Variants in TICAM1 observed in about 807,000 individuals in gnomAD.
TICAM1 encodes TIR domain-containing adapter molecule 1.
For synonymous variants in TICAM1, 439 were observed against 415.4 expected (o/e 1.06, Z -0.69); for missense variants, 895 against 938.2 (o/e 0.95, Z 0.60).
rs186141319 is a variant in TICAM1 at position 4,829,434 on chromosome 19, C to T, written c.-140+2180G>A. ...CTGCCCACTGCCACCTCCACCTTCT[C>T]GAGACCCAGCAAGTTTCATTTCTCA... is the stretch of plus-strand genomic sequence containing the variant. On this transcript the variant is annotated intron_variant, in intron 1 of 1. Coordinates refer to ENST00000248244, the MANE Select transcript of TICAM1 (RefSeq NM_182919.4). 1.4e-3 allele frequency among the ~76,000 whole-genome samples: 203 copies of T among 143,836 alleles called. 4 individuals carry two copies. Among genetic ancestry groups the T allele is most frequent in the Non-Finnish European group, 9.4e-4 (62 of 65,790 alleles). The allele number at this position is 143,836 out of a possible 152,430, so 94.4% of individuals were successfully genotyped here. A position where few individuals can be genotyped will look rare whatever the true frequency, so the allele number is the denominator to read the frequency against.
chr19:4,830,060 G>T (rs1261905625), intron 1 of TICAM1, among the ~76,000 whole-genome samples: 1 of 143,724 alleles, frequency 7.0e-6, no homozygotes. Flanking sequence ...ATCTGCCTGG[G>T]ATTACAGGCG....
At chr19:4,820,586 C>T (rs545019385) in intron 1 of TICAM1, among the ~76,000 whole-genome samples, 3 of 151,082 alleles carry the variant, frequency 2.0e-5, no homozygotes, top group Non-Finnish European at 4.4e-5. Context: ...ATTTTTTGGC[C>T]GGGCGCGGTG....
intron 1 of TICAM1, among the ~76,000 whole-genome samples, chr19:4,820,335 G>A (rs1348576645): frequency 1.3e-5 from 2 of 151,140 alleles, no homozygotes; most frequent in East Asian, 2.0e-4. Flanking sequence ...TAGGAAAATC[G>A]CTTGAACCTG....
chr19:4,827,330 C>T (rs1163820848), intron 1 of TICAM1, among the ~76,000 whole-genome samples: 2 of 119,908 alleles, frequency 1.7e-5, no homozygotes, highest in Non-Finnish European at 3.2e-5. Flanking sequence ...GAGATCATGC[C>T]ATTGCACTCC....
Position 4,818,403 on chromosome 19 carries a change from C to A in TICAM1, c.-26G>T. 6.5e-7 allele frequency: 1 copy of A among 1,548,876 alleles called. No individual in the cohort carries two copies. Among genetic ancestry groups the A allele is most frequent in the South Asian group, 1.2e-5 (1 of 81,094 alleles). On this transcript the variant is annotated 5_prime_UTR_variant, in exon 2 of 2. Coordinates refer to ENST00000248244, the MANE Select transcript of TICAM1 (RefSeq NM_182919.4). The surrounding 1 kb of genome is among the most constrained non-coding windows in gnomAD (Gnocchi z 4.0). Reference sequence around the variant, plus strand: ...GGGCACAGGTGGGTGCAGCCTCCGGCAGCAGAAGCTGGAGGTGGTGAAGGC... The same window carrying A: ...GGGCACAGGTGGGTGCAGCCTCCGGAAGCAGAAGCTGGAGGTGGTGAAGGC...
At chr19:4,824,963 T>G (rs571996403) in intron 1 of TICAM1, among the ~76,000 whole-genome samples, 66 of 150,468 alleles carry the variant, frequency 4.4e-4, no homozygotes, top group Non-Finnish European at 7.5e-4. Context: ...TAACAGAGCC[T>G]GCTTAAGGGT....
In TICAM1 at chr19:4,825,723, T is replaced by G. The variant is rs2093604476; in HGVS notation, c.-140+5891A>C. On this transcript the variant is annotated intron_variant, in intron 1 of 1. Transcript: ENST00000248244. ...CTGTAATCCCAGCACTTTGGGAGGC[T>G]GAGGCAGGTGGATCACCTGAGTTTA... Among the ~76,000 whole-genome samples the G allele has an allele frequency of 2.6e-5, 4 of 151,540 alleles. No individual in the cohort carries two copies. The South Asian group carries it at 8.4e-4, about 32-fold the overall frequency.
chr19:4,826,967 A>C (rs529149192), intron 1 of TICAM1, among the ~76,000 whole-genome samples: 2 of 152,090 alleles, frequency 1.3e-5, no homozygotes, highest in South Asian at 4.2e-4. Flanking sequence ...TCCTCTAGAG[A>C]AGTGGAGGAT....
chr19:4,820,418 T>TAA (rs754775495), intron 1 of TICAM1, among the ~76,000 whole-genome samples: 6 of 108,718 alleles, frequency 5.5e-5, no homozygotes, highest in Admixed American at 2.9e-4. Flanking sequence ...AGACTCCATC[T>TAA]AAAAAAAAAA....
rs193103889 is a variant in TICAM1, at chr19:4,830,157, G to A, written c.-140+1457C>T. Among the ~76,000 whole-genome samples, 9 of 150,844 alleles carry A rather than the reference G, an allele frequency of 6.0e-5. No individual in the cohort carries two copies. The East Asian group carries it at 1.5e-3, about 26-fold the overall frequency. ...GGCTGGAGTGCAGTAGTGGGATCACGGCTCACTGCAGCCTTGAACTCCCGG... is the reference window on the plus strand; with the variant it reads ...GGCTGGAGTGCAGTAGTGGGATCACAGCTCACTGCAGCCTTGAACTCCCGG... On this transcript the variant is annotated intron_variant, in intron 1 of 1. Transcript: ENST00000248244.
Position 4,816,028 on chromosome 19 carries a change from A to G in TICAM1, c.*211T>C. On this transcript the variant is annotated 3_prime_UTR_variant, in exon 2 of 2. Coordinates refer to ENST00000248244, the MANE Select transcript of TICAM1 (RefSeq NM_182919.4). This position sits in a 1 kb window ranked among gnomAD's most constrained non-coding sequence, Gnocchi z 4.3. ...AAATAGAGAGATTGGAATTGTAAACACCGTATCCAGTTCTGACCACCCTGA... is the reference window on the plus strand; with the variant it reads ...AAATAGAGAGATTGGAATTGTAAACGCCGTATCCAGTTCTGACCACCCTGA... 1.8e-6 allele frequency: 1 copy of G among 563,324 alleles called. No individual in the cohort carries two copies. The highest frequency in any genetic ancestry group is 2.7e-6 in the Non-Finnish European group (1 of 376,778). The allele number at this position is 563,324 out of a possible 1,614,324, so 34.9% of individuals were successfully genotyped here.
chr19:4,831,074 G>A (rs1424145087), intron 1 of TICAM1, among the ~76,000 whole-genome samples: 1 of 151,912 alleles, frequency 6.6e-6, no homozygotes, highest in Non-Finnish European at 1.5e-5. Flanking sequence ...GGGTGTCTGG[G>A]AGGAATCTGG....
At chr19:4,828,702 CTTTTT>C in intron 1 of TICAM1, among the ~76,000 whole-genome samples, 1 of 124,630 alleles carries the variant, frequency 8.0e-6, no homozygotes, top group African/African-American at 3.1e-5. Flanking sequence ...CCCAGATAAT[CTTTTT>C]TTTTTTTTTT....
At chr19:4,821,943 CT>C (rs1167225702) in intron 1 of TICAM1, among the ~76,000 whole-genome samples, 3 of 130,994 alleles carry the variant, frequency 2.3e-5, no homozygotes, top group East Asian at 2.3e-4. Context: ...CCCGTCCAGC[CT>C]TTTTTTTTGA....
Position 4,816,785 on chromosome 19 carries a change from G to T in TICAM1, c.1593C>A (p.His531Gln). 2 of 1,613,482 alleles carry T rather than the reference G, an allele frequency of 1.2e-6. No homozygotes were observed. The stretch of plus-strand genomic sequence containing the variant: ...ACATGGCCTTTCGGGCCTGAAGCCT[G>T]TGGGGCTTGAAGGTGTTGGCCACCT... ...ARKVANTFKP[H>Q]RLQARKAMWR... Residue 531 changes from histidine (H) to glutamine (Q), a missense_variant, in exon 2 of 2, where the codon CAC (histidine) becomes CAA (glutamine). By Grantham distance (24) the His-to-Gln change is conservative (BLOSUM62 0). Transcript: ENST00000248244. This position sits in a 1 kb window ranked among gnomAD's most constrained non-coding sequence, Gnocchi z 4.3.
chr19:4,817,138 C>G lies in TICAM1; in HGVS notation c.1240G>C (p.Glu414Gln). 1 of 1,614,086 alleles carries G rather than the reference C, an allele frequency of 6.2e-7. No homozygotes were observed. Among genetic ancestry groups the G allele is most frequent in the South Asian group, 1.1e-5 (1 of 91,068 alleles). The change falls in exon 2 of 2, where the codon GAG becomes CAG. Residue 414 changes from glutamate to glutamine, a missense_variant. By Grantham distance (29) the Glu-to-Gln change is conservative. Coordinates refer to ENST00000248244, the MANE Select transcript of TICAM1 (RefSeq NM_182919.4). The surrounding 1 kb of genome is among the most constrained non-coding windows in gnomAD (Gnocchi z 4.7). Reference protein sequence around the residue: ...ADEHIALRVREKLEALGVPDG... With the variant: ...ADEHIALRVRQKLEALGVPDG... ...GGCACGCCAAGGGCCTCCAGCTTCT[C>G]CCGAACCCGCAGGGCGATGTGTTCG...
intron 1 of TICAM1, among the ~76,000 whole-genome samples, chr19:4,821,205 A>C (rs977908011): frequency 2.0e-5 from 3 of 152,044 alleles, no homozygotes; most frequent in African/African-American, 7.2e-5. Context: ...CAAAAAAAAA[A>C]AAAAGTAATT....
chr19:4,817,248 G>T lies in TICAM1; in HGVS notation c.1130C>A (p.Thr377Asn), dbSNP rs147816959. 6.8e-6 allele frequency: 11 copies of T among 1,613,178 alleles called. No individual in the cohort carries two copies. Among genetic ancestry groups the T allele is most frequent in the South Asian group, 1.1e-5 (1 of 91,022 alleles). ...GGAGGAAGGGAACAGGGAGGAGGGGGTCAGGTGAGCTGAACAAGGAGTAGA... is the reference window on the plus strand; with the variant it reads ...GGAGGAAGGGAACAGGGAGGAGGGGTTCAGGTGAGCTGAACAAGGAGTAGA... Reference protein sequence around the residue: ...PSSTPCSAHLTPSSLFPSSLE... With the variant: ...PSSTPCSAHLNPSSLFPSSLE... Residue 377 changes from threonine to asparagine, a missense_variant, in exon 2 of 2, where the codon ACC becomes AAC. By Grantham distance (65) the Thr-to-Asn change is moderately conservative (BLOSUM62 0). Transcript: ENST00000248244. This position sits in a 1 kb window ranked among gnomAD's most constrained non-coding sequence, Gnocchi z 4.7.
chr19:4,818,385 G>A lies in TICAM1; in HGVS notation c.-8C>T, dbSNP rs757160509. The A allele has an allele frequency of 1.9e-6, 3 of 1,573,164 alleles. No individual in the cohort carries two copies. In the African/African-American group the frequency reaches 4.1e-5, roughly 21 times the overall value. On this transcript the variant is annotated 5_prime_UTR_variant, in exon 2 of 2. Transcript: ENST00000248244. This position sits in a 1 kb window ranked among gnomAD's most constrained non-coding sequence, Gnocchi z 4.0. Reference sequence around the variant, plus strand: ...TGGGCCTGTGCAGGCCATGGGCACAGGTGGGTGCAGCCTCCGGCAGCAGAA... The same window carrying A: ...TGGGCCTGTGCAGGCCATGGGCACAAGTGGGTGCAGCCTCCGGCAGCAGAA...
Sources: gnomAD v4.1 joint callset for allele counts (sites outside exome capture counted in the v4.1 genomes callset) on GRCh38, gnomAD v4.1.1 for gene constraint, Gnocchi (gnomAD v3.1) non-coding constraint, MANE v1.5 for transcripts, NCBI Gene and HGNC (gene_info 2026-07-23, HGNC 2026-07-21) for gene names.